NXPE4: variants seen among roughly 807,000 people sequenced by gnomAD.
The protein encoded by NXPE4 is neurexophilin and PC-esterase domain family member 4.
In NXPE4, 42 loss-of-function variants were observed where a neutral mutation model predicts 33.3. The ratio of observed to expected loss-of-function variants is 1.26; its 90% confidence interval spans 0.98 to 1.63. The LOEUF (loss-of-function observed/expected upper bound fraction) is 1.63, where lower values mean the gene tolerates loss of function less well. Ranked by LOEUF, NXPE4 falls within the 40% of genes most tolerant of loss-of-function variation. NXPE4 has a pLI of 0.00. For synonymous variants in NXPE4, 253 were observed against 234.9 expected, an observed-to-expected ratio of 1.08 and a Z score of -0.71; for missense variants, 709 against 647.6, an observed-to-expected ratio of 1.09 and a Z score of -1.03.
chr11:114,631,865 G>A, the NXPE4 span, among the ~76,000 whole-genome samples: 3 of 150,932 alleles, frequency 2.0e-5, no homozygotes, highest in Non-Finnish European at 4.4e-5. Context: ...TTGTGTCGTG[G>A]GTAACCGCTG....
the NXPE4 span, among the ~76,000 whole-genome samples, chr11:114,604,169 C>T: frequency 1.3e-5 from 2 of 151,772 alleles, no homozygotes; most frequent in Non-Finnish European, 2.9e-5. Context: ...TATTGCCTCG[C>T]AGTTAACTAC....
At position 114,581,799 on chromosome 11, in the gene NXPE4, A is replaced by G; in HGVS notation, c.831-13T>C. 6.3e-7 allele frequency: 1 copy of G among 1,584,434 alleles called. No individual in the cohort carries two copies. The highest frequency in any genetic ancestry group is 8.6e-7 in the Non-Finnish European group (1 of 1,158,074). ...ACCCACATTTGACCTTAAAGACACA[A>G]ATACAGAAATTAATCTGTAGGTGGC... is the stretch of plus-strand genomic sequence containing the variant. On this transcript the variant is annotated splice_polypyrimidine_tract_variant and intron_variant, in intron 3 of 5. Coordinates refer to ENST00000375478, the MANE Select transcript of NXPE4 (RefSeq NM_001077639.2).
At chr11:114,673,121 C>T in the NXPE4 span, among the ~76,000 whole-genome samples, 1,389 of 148,358 alleles carry the variant, frequency 9.4e-3, 18 homozygotes, top group African/African-American at 0.032. Flanking sequence ...TGAAATCATG[C>T]GAAGTATGCT....
the NXPE4 span, among the ~76,000 whole-genome samples, chr11:114,632,073 TATA>T: frequency 0.18 from 25,127 of 142,782 alleles, 2,630 homozygotes; most frequent in Non-Finnish European, 0.22. Context: ...AATTGTATAG[TATA>T]ATATTATTAT....
chr11:114,594,684 C>G lies in NXPE4; in HGVS notation c.76G>C (p.Val26Leu), dbSNP rs2135301307. ...FILASWIIFT[V>L]FQNSTKVWSA... is the part of the protein sequence containing the mutation. ...CCTACCTTTGTGGAGTTCTGGAAAA[C>G]TGTAAAAATGATCCAGGAGGCTAAT... The change falls in exon 2 of 6, where the codon GTT (valine) becomes CTT (leucine). Residue 26 changes from valine (V) to leucine (L), a missense_variant. Transcript: ENST00000375478. The G allele has an allele frequency of 1.9e-6, 3 of 1,601,276 alleles. No homozygotes were observed. The East Asian group carries it at 6.7e-5, about 36-fold the overall frequency.
chr11:114,676,864 A>C, the NXPE4 span, among the ~76,000 whole-genome samples: 1 of 152,100 alleles, frequency 6.6e-6, no homozygotes, highest in Admixed American at 6.6e-5. Context: ...TTAAGTATGC[A>C]TCAACAGATG....
chr11:114,638,737 C>T, the NXPE4 span, among the ~76,000 whole-genome samples: 1 of 151,916 alleles, frequency 6.6e-6, no homozygotes, highest in Non-Finnish European at 1.5e-5. Context: ...TACTCCAGAC[C>T]CTGTTTGCCT....
At chr11:114,601,214 A>G in the NXPE4 span, among the ~76,000 whole-genome samples, 3 of 151,514 alleles carry the variant, frequency 2.0e-5, no homozygotes, top group East Asian at 5.8e-4. Context: ...ATTTTACCCA[A>G]TAAGTAATTT....
the NXPE4 span, among the ~76,000 whole-genome samples, chr11:114,605,042 A>ACTG: frequency 2.6e-5 from 4 of 151,728 alleles, no homozygotes; most frequent in African/African-American, 9.7e-5. Context: ...GATAATAAGT[A>ACTG]CTGCCTCGTG....
the NXPE4 span, among the ~76,000 whole-genome samples, chr11:114,622,934 C>T: frequency 1.1e-4 from 16 of 152,106 alleles, no homozygotes; most frequent in African/African-American, 2.9e-4. Flanking sequence ...CGTATTGCCT[C>T]GTGGGTTACC....
the NXPE4 span, among the ~76,000 whole-genome samples, chr11:114,633,613 C>A: frequency 4.0e-5 from 6 of 151,280 alleles, no homozygotes; most frequent in Non-Finnish European, 4.4e-5. Context: ...TCCCTCCCAC[C>A]CTGCCCCCAG....
chr11:114,645,117 C>T, the NXPE4 span, among the ~76,000 whole-genome samples: 1 of 151,842 alleles, frequency 6.6e-6, no homozygotes, highest in Non-Finnish European at 1.5e-5. Context: ...GCCTGGCCAA[C>T]ATGGTGAAAC....
rs1314268732 is a variant in NXPE4 at position 114,571,606 on chromosome 11, G to A, written c.1100-133C>T. Reference sequence around the variant, plus strand: ...TGTCTAATTTATTATAGGTTTAGATGAGGGGATGTTTTTGAAAATTATTTG... The same window carrying A: ...TGTCTAATTTATTATAGGTTTAGATAAGGGGATGTTTTTGAAAATTATTTG... On this transcript the variant is annotated intron_variant, in intron 5 of 5. Transcript: ENST00000375478. 5 of 867,688 alleles carry A rather than the reference G, an allele frequency of 5.8e-6. No homozygotes were observed. In the African/African-American group the frequency reaches 8.4e-5, roughly 15 times the overall value. The allele number at this position is 867,688 out of a possible 1,614,324, so 53.7% of individuals were successfully genotyped here. A position where few individuals can be genotyped will look rare whatever the true frequency, so the allele number is the denominator to read the frequency against.
chr11:114,588,970 A>C (rs963420541), intron 2 of NXPE4, among the ~76,000 whole-genome samples: 8 of 152,182 alleles, frequency 5.3e-5, no homozygotes, highest in African/African-American at 1.7e-4. Flanking sequence ...AGTCTTTTAT[A>C]GTAGGGACCA....
At chr11:114,586,876 A>G (rs935797384) in intron 2 of NXPE4, among the ~76,000 whole-genome samples, 1 of 152,166 alleles carries the variant, frequency 6.6e-6, no homozygotes, top group African/African-American at 2.4e-5. Context: ...TAGGCAAGAT[A>G]AGGAAATGCC....
chr11:114,613,160 C>A, the NXPE4 span, among the ~76,000 whole-genome samples: 2 of 151,528 alleles, frequency 1.3e-5, no homozygotes, highest in East Asian at 3.9e-4. Context: ...CGACTGTTAC[C>A]CGATGGATAA....
the NXPE4 span, among the ~76,000 whole-genome samples, chr11:114,628,298 A>C: frequency 1.3e-5 from 2 of 151,664 alleles, no homozygotes; most frequent in Non-Finnish European, 2.9e-5. Context: ...AATGTAAAAG[A>C]ACAGAAATTA....
the NXPE4 span, among the ~76,000 whole-genome samples, chr11:114,609,670 T>C: frequency 6.6e-6 from 1 of 151,464 alleles, no homozygotes; most frequent in East Asian, 2.0e-4. Context: ...TATTACCCAG[T>C]GGATAATAAG....
chr11:114,576,790 A>G (rs1949002675), intron 5 of NXPE4, among the ~76,000 whole-genome samples: 1 of 151,874 alleles, frequency 6.6e-6, no homozygotes, highest in African/African-American at 2.4e-5. Flanking sequence ...GATTCCTTAA[A>G]GAACTAAAAA....
Sources: gnomAD v4.1 joint callset for allele counts (sites outside exome capture counted in the v4.1 genomes callset) on GRCh38, gnomAD v4.1.1 for gene constraint, MANE v1.5 for transcripts, NCBI Gene and HGNC (gene_info 2026-07-23, HGNC 2026-07-21) for gene names.